Variants in TTLL8 observed in about 807,000 individuals in gnomAD.
The protein encoded by TTLL8 is tubulin tyrosine ligase like 8, also known as protein monoglycylase TTLL8.
TTLL8 carries 65 observed loss-of-function variants against 77.8 expected under a neutral mutation model. The observed-to-expected ratio is 0.84, with a 90% CI of 0.68 to 1.03. The LOEUF (loss-of-function observed/expected upper bound fraction) is 1.03, where lower values mean the gene tolerates loss of function less well. Among genes scored for constraint, TTLL8 ranks in the 50% least tolerant of loss-of-function variants. TTLL8 has a pLI of 0.00. For missense variants in TTLL8, 910 were observed against 1,004.5 expected, an observed-to-expected ratio of 0.91 and a Z score of 1.27; for synonymous variants, 402 against 422.8, an observed-to-expected ratio of 0.95 and a Z score of 0.60.
intron 12 of TTLL8, among the ~76,000 whole-genome samples, chr22:50,018,742 G>A (rs941732299): frequency 1.2e-4 from 19 of 152,210 alleles, no homozygotes; most frequent in Admixed American, 1.2e-3. Flanking sequence ...CGGCGGGAGA[G>A]TGGCTGCAAC....
intron 12 of TTLL8, among the ~76,000 whole-genome samples, chr22:50,021,932 ACATGCAGTCCTCCATC>A (rs2061204235): frequency 9.4e-6 from 1 of 106,454 alleles, no homozygotes; most frequent in African/African-American, 3.4e-5. Flanking sequence ...CCTCCACCTG[ACATGCAGTCCTCCATC>A]TGACGTGCAC....
At chr22:50,042,709 C>A (rs1212019536) in intron 6 of TTLL8, among the ~76,000 whole-genome samples, 2 of 152,144 alleles carry the variant, frequency 1.3e-5, no homozygotes, top group Non-Finnish European at 2.9e-5. Context: ...ACGGGAGGAT[C>A]GCTGGAGCCT....
upstream of TTLL8, among the ~76,000 whole-genome samples, chr22:50,057,417 TCTGGGTTGG>T (rs2061481293): frequency 2.3e-5 from 1 of 43,206 alleles, no homozygotes; most frequent in African/African-American, 9.0e-5. Flanking sequence ...GGGCGGGAGG[TCTGGGTTGG>T]GGGTCAGGTC....
At chr22:50,049,786 G>C in intron 2 of TTLL8, among the ~76,000 whole-genome samples, 1 of 152,154 alleles carries the variant, frequency 6.6e-6, no homozygotes, top group East Asian at 1.9e-4. Flanking sequence ...CTGAGGAGTG[G>C]ACTTCAGGGA....
At chr22:50,030,586 G>A (rs2061281380) in exon 12 of TTLL8, 2 of 1,301,842 alleles carry the variant, frequency 1.5e-6, no homozygotes, top group African/African-American at 1.5e-5. Context: ...TCCACGTGGC[G>A]ACAGGGGCAG....
chr22:50,048,323 T>G (rs1450737614), intron 3 of TTLL8, among the ~76,000 whole-genome samples: 1 of 151,922 alleles, frequency 6.6e-6, no homozygotes, highest in African/African-American at 2.4e-5. Flanking sequence ...ACAATCCTCA[T>G]CCCCAGGGCG....
rs746316636 is a variant in TTLL8 at position 50,034,544 on chromosome 22, G to T, written c.922-82C>A. 19 of 1,277,694 alleles carry T rather than the reference G, an allele frequency of 1.5e-5. No individual in the cohort carries two copies. Among genetic ancestry groups the T allele is most frequent in the Non-Finnish European group, 1.8e-5 (18 of 973,688 alleles). 79.1% of individuals were successfully genotyped at this position (1,277,694 alleles called of 1,614,324 possible). A position where few individuals can be genotyped will look rare whatever the true frequency, so the allele number is the denominator to read the frequency against. On this transcript the variant is annotated intron_variant, in intron 8 of 13. Coordinates refer to ENST00000266182, the Ensembl canonical transcript of TTLL8. The surrounding 1 kb of genome is among the most constrained non-coding windows in gnomAD (Gnocchi z 4.1). ...TCCAGAAAGTGCATGAGACTTGGAG[G>T]CCTGGGCCCCGCCTCACCCACCAAG... is the stretch of plus-strand genomic sequence containing the variant.
intron 4 of TTLL8, 33 bp from the exon 7 acceptor site, chr22:50,046,003 G>T: frequency 7.6e-7 from 1 of 1,319,012 alleles, no homozygotes. Context: ...GGCAGGAGGG[G>T]CAGCTCAGCT....
chr22:50,057,729 G>A (rs1433690852), upstream of TTLL8, among the ~76,000 whole-genome samples: 1 of 146,524 alleles, frequency 6.8e-6, no homozygotes, highest in Non-Finnish European at 1.5e-5. Context: ...TCAGGTCTGG[G>A]TTGTGGGCAT....
At chr22:50,036,462 C>T (rs539565662) in intron 8 of TTLL8, among the ~76,000 whole-genome samples, 9 of 152,180 alleles carry the variant, frequency 5.9e-5, no homozygotes, top group African/African-American at 1.4e-4. Flanking sequence ...GAGACAGGAA[C>T]GCCTGGGCTC....
At chr22:50,053,647 A>G (rs996047505) in intron 1 of TTLL8, among the ~76,000 whole-genome samples, 1 of 152,250 alleles carries the variant, frequency 6.6e-6, no homozygotes, top group Non-Finnish European at 1.5e-5. Context: ...ACTTATATGA[A>G]GTTCCAGAAA....
intron 6 of TTLL8, 173 bp downstream of exon 8, chr22:50,045,082 C>A: frequency 1.8e-6 from 1 of 562,568 alleles, no homozygotes; most frequent in African/African-American, 2.0e-5. Flanking sequence ...TTTAGCCCCA[C>A]GGTTAGAACA....
intron 12 of TTLL8, among the ~76,000 whole-genome samples, chr22:50,025,251 TA>T (rs1219367222): frequency 3.4e-4 from 20 of 58,164 alleles, no homozygotes; most frequent in East Asian, 9.7e-4. Context: ...CCCACAGAAA[TA>T]AAAAAAAAAA....
Position 50,045,900 on chromosome 22 carries a change from C to T in TTLL8, c.464G>A (p.Arg155His), listed in dbSNP as rs17013076. 6,582 of 1,361,272 alleles carry T rather than the reference C, an allele frequency of 4.8e-3. 280 individuals are homozygous for T. In the African/African-American group the frequency reaches 0.089, roughly 18 times the overall value. The allele number at this position is 1,361,272 out of a possible 1,614,324, so 84.3% of individuals were successfully genotyped here. Residue 155 changes from arginine to histidine, a missense_variant, in exon 5 of 14, where the codon CGC (arginine) becomes CAC (histidine). By Grantham distance (29) the Arg-to-His change is conservative (BLOSUM62 0). This residue lies in a region of TTLL8 where 776 missense variants were observed against 926.1 expected (regional missense o/e 0.84). Coordinates refer to ENST00000266182, the Ensembl canonical transcript of TTLL8. ...ACTCTCGGTGCAGAGGCTGTAGCAG[C>T]GTGGGAAGAAGGAGTCGGGGTTGGC...
rs559618776 is a variant in TTLL8 at position 50,039,376 on chromosome 22, T to G, written c.921+1811A>C. On this transcript the variant is annotated intron_variant, in intron 8 of 13. Transcript: ENST00000266182. ...TGTAATCCCAGCACTAACACGTATGTAACTGGAGCCCTGGAAGGAGAGAAG... is the reference window on the plus strand; with the variant it reads ...TGTAATCCCAGCACTAACACGTATGGAACTGGAGCCCTGGAAGGAGAGAAG... Among the ~76,000 whole-genome samples the G allele has an allele frequency of 6.6e-5, 10 of 152,202 alleles. No individual in the cohort carries two copies. In the South Asian group the frequency reaches 2.1e-3, roughly 32 times the overall value.
chr22:50,050,939 C>T (rs988741504), intron 1 of TTLL8, among the ~76,000 whole-genome samples: 11 of 152,192 alleles, frequency 7.2e-5, no homozygotes, highest in African/African-American at 1.4e-4. Flanking sequence ...CTGACACTCC[C>T]GGCCGAATGA....
intron 1 of TTLL8, among the ~76,000 whole-genome samples, chr22:50,054,359 C>T (rs1569235532): frequency 1.3e-5 from 2 of 152,122 alleles, no homozygotes; most frequent in Non-Finnish European, 2.9e-5. Context: ...CAGAGGTCTC[C>T]TCCCTCCCCA....
upstream of TTLL8, among the ~76,000 whole-genome samples, chr22:50,058,143 G>A (rs964346650): frequency 2.0e-5 from 3 of 151,954 alleles, no homozygotes; most frequent in African/African-American, 7.2e-5. The surrounding 1 kb of genome is among the most constrained non-coding windows in gnomAD (Gnocchi z 4.2). Context: ...GCGGTCGGGG[G>A]TCGTGCTCAC....
At chr22:50,048,309 T>G (rs756720836) in intron 3 of TTLL8, among the ~76,000 whole-genome samples, 1 of 152,064 alleles carries the variant, frequency 6.6e-6, no homozygotes, top group Non-Finnish European at 1.5e-5. Context: ...GGAATGCATG[T>G]GCTACAATCC....
Sources: allele counts gnomAD v4.1 joint callset (sites outside exome capture counted in the v4.1 genomes callset), GRCh38; gene constraint gnomAD v4.1.1; regional missense constraint gnomAD v4.1.1; non-coding constraint Gnocchi (gnomAD v3.1); transcripts MANE v1.5; gene names NCBI Gene and HGNC (gene_info 2026-07-23, HGNC 2026-07-21).